Variants in THBS1 observed in about 807,000 individuals in gnomAD.
THBS1 encodes the protein thrombospondin-1.
Under a neutral mutation model 126.1 loss-of-function variants are expected in THBS1, and 29 were observed. The observed-to-expected ratio is 0.23, with a 90% CI of 0.17 to 0.31. The LOEUF (loss-of-function observed/expected upper bound fraction) is 0.31. Ranked by LOEUF, THBS1 falls within the 10% of genes least tolerant of loss-of-function variation. THBS1 has a pLI of 1.00. For missense variants in THBS1, 1,198 were observed against 1,545.2 expected, an observed-to-expected ratio of 0.78 and a Z score of 3.77; for synonymous variants, 496 against 577.8, an observed-to-expected ratio of 0.86 and a Z score of 2.03.
Position 39,587,376 on chromosome 15 carries a change from C to T in THBS1, c.1150C>T (p.Pro384Ser). The T allele has an allele frequency of 6.2e-7, 1 of 1,613,724 alleles. No individual in the cohort carries two copies. Among genetic ancestry groups the T allele is most frequent in the Admixed American group, 1.7e-5 (1 of 60,018 alleles). The part of the protein sequence containing the change: ...PSDSADDGWS[P>S]WSEWTSCSTS... ...CGACTCTGCGGACGATGGCTGGTCT[C>T]CATGGTCCGAGTGGACCTCCTGTTC... Residue 384 changes from proline (P) to serine (S), a missense_variant, in exon 8 of 22, where the codon CCA becomes TCA. Physicochemically the swap from Pro to Ser is moderately conservative, Grantham distance 74. Around this residue, in one of 4 missense-constraint regions of THBS1, gnomAD observed 663 missense variants for 860.1 expected, o/e 0.77. Transcript: ENST00000260356.
chr15:39,584,603 T>C (rs1014429060), intron 6 of THBS1, among the ~76,000 whole-genome samples, 181 bp downstream of exon 6: 3 of 152,186 alleles, frequency 2.0e-5, no homozygotes, highest in Admixed American at 6.5e-5. Flanking sequence ...AACTCTCAGA[T>C]GGTTTATCAA....
chr15:39,581,642 C>G, intron 1 of THBS1, 187 bp from the exon 2 acceptor site: 1 of 331,334 alleles, frequency 3.0e-6, no homozygotes, highest in Admixed American at 4.3e-5. Context: ...TCCTCCACCT[C>G]TCTCTCTCTC....
Position 39,593,336 on chromosome 15 carries a change from A to G in THBS1, c.2996-61A>G. ...CTGTGGGTGCTGAGGATGTCTAGGA[A>G]CATGATGGAGAACCTTCTGAAGGCT... On this transcript the variant is annotated intron_variant, in intron 18 of 21. Transcript: ENST00000260356. The surrounding 1 kb of genome is among the most constrained non-coding windows in gnomAD (Gnocchi z 5.9). The G allele has an allele frequency of 1.2e-6, 2 of 1,613,116 alleles. No individual in the cohort carries two copies. The highest frequency in any genetic ancestry group is 8.5e-7 in the Non-Finnish European group (1 of 1,179,412).
At chr15:39,591,717 C>T in intron 16 of THBS1, 94 bp downstream of exon 16, 1 of 1,168,454 alleles carries the variant, frequency 8.6e-7, no homozygotes, top group South Asian at 1.3e-5. Flanking sequence ...AGTTCAAACA[C>T]TTTCATTACT....
chr15:39,591,414 C>A (rs1420808536), intron 15 of THBS1, 64 bp downstream of exon 15: 2 of 1,599,340 alleles, frequency 1.3e-6, no homozygotes, highest in Non-Finnish European at 8.5e-7. Context: ...TCCAAACGTA[C>A]TTCTGTCTAG....
rs2140351710 is a variant in THBS1, at chr15:39,594,539, G to A, written c.3505+99G>A. On this transcript the variant is annotated intron_variant, in intron 21 of 21. Coordinates refer to ENST00000260356, the MANE Select transcript of THBS1 (RefSeq NM_003246.4). The surrounding 1 kb of genome is among the most constrained non-coding windows in gnomAD (Gnocchi z 4.4). The stretch of plus-strand genomic sequence containing the variant: ...GGGAGTCCAGTGTAAAGACTGTTTT[G>A]GAGACAGGGTTATTTCTATTTTGCT... The A allele has an allele frequency of 6.7e-7, 1 of 1,483,812 alleles. No individual in the cohort carries two copies. Among genetic ancestry groups the A allele is most frequent in the South Asian group, 1.3e-5 (1 of 74,626 alleles). 91.9% of individuals were successfully genotyped at this position (1,483,812 alleles called of 1,614,324 possible).
chr15:39,588,332 A>G, intron 9 of THBS1, 114 bp downstream of exon 9: 1 of 1,372,732 alleles, frequency 7.3e-7, no homozygotes, highest in Non-Finnish European at 9.7e-7. Context: ...GTTACCTACT[A>G]GAGAAACAAA....
chr15:39,587,136 C>T (rs888492337), intron 7 of THBS1: 13 of 402,842 alleles, frequency 3.2e-5, no homozygotes, highest in African/African-American at 4.0e-5. Context: ...ATTAGCTTGA[C>T]GGTGGTAATC....
Position 39,596,593 on chromosome 15 carries a change from A to G in THBS1, c.*1224A>G, listed in dbSNP as rs1890451062. On this transcript the variant is annotated 3_prime_UTR_variant, in exon 22 of 22. Coordinates refer to ENST00000260356, the MANE Select transcript of THBS1 (RefSeq NM_003246.4). ...GAGCAAGTAGTTGACATTTATCAGC[A>G]AATCTCTTGCAAGAACAGCACAAGG... 1 of 152,250 alleles carries G rather than the reference A, an allele frequency of 6.6e-6. No individual in the cohort carries two copies. The allele number at this position is 152,250 out of a possible 1,614,324, so 9.4% of individuals were successfully genotyped here.
In THBS1 at chr15:39,597,505, T is replaced by C. The variant is rs1263825373; in HGVS notation, c.*2136T>C. On this transcript the variant is annotated 3_prime_UTR_variant, in exon 22 of 22. Transcript: ENST00000260356. The stretch of plus-strand genomic sequence containing the variant: ...ATGCTTATTTGTTCTCTACTGGCTT[T>C]ATGTCATGAAGTATATGCGTAAATA... 1.3e-5 allele frequency: 2 copies of C among 152,172 alleles called. No individual in the cohort carries two copies. The highest frequency in any genetic ancestry group is 2.9e-5 in the Non-Finnish European group (2 of 68,028). The allele number at this position is 152,172 out of a possible 1,614,324, so 9.4% of individuals were successfully genotyped here. A position where few individuals can be genotyped will look rare whatever the true frequency, so the allele number is the denominator to read the frequency against.
At position 39,582,236 on chromosome 15, in the gene THBS1, C is replaced by A; in HGVS notation, c.111C>A (p.Thr37=). 1.2e-6 allele frequency: 2 copies of A among 1,613,490 alleles called. No homozygotes were observed. Among genetic ancestry groups the A allele is most frequent in the Non-Finnish European group, 1.7e-6 (2 of 1,179,738 alleles). Residue 37 remains threonine (T), a synonymous_variant, in exon 3 of 22, where the codon ACC becomes ACA. Coordinates refer to ENST00000260356, the MANE Select transcript of THBS1 (RefSeq NM_003246.4). The part of the protein sequence containing the change: ...DNSVFDIFEL[T]GAARKGSGRR... ...GCGTGTTTGACATCTTTGAACTCAC[C>A]GGGGCCGCCCGCAAGGGGTCTGGGC...
At position 39,594,042 on chromosome 15, in the gene THBS1, T is replaced by C. The variant is rs1890382006; in HGVS notation, c.3268-57T>C. The C allele has an allele frequency of 2.0e-6, 3 of 1,523,206 alleles. No individual in the cohort carries two copies. The highest frequency in any genetic ancestry group is 1.9e-5 in the Admixed American group (1 of 51,964). 94.4% of individuals were successfully genotyped at this position (1,523,206 alleles called of 1,614,324 possible). ...AAGCATTGTTTCTGATGGAATGAAATAGAAATCTTTACCTGAAGGAGCTGT... is the reference window on the plus strand; with the variant it reads ...AAGCATTGTTTCTGATGGAATGAAACAGAAATCTTTACCTGAAGGAGCTGT... On this transcript the variant is annotated intron_variant, in intron 19 of 21. Coordinates refer to ENST00000260356, the MANE Select transcript of THBS1 (RefSeq NM_003246.4). This position sits in a 1 kb window ranked among gnomAD's most constrained non-coding sequence, Gnocchi z 4.4.
In THBS1 at chr15:39,592,588, C is replaced by T. The variant is rs201730860; in HGVS notation, c.2553C>T (p.Arg851=). Residue 851 remains arginine (R), a synonymous_variant, in exon 17 of 22, where the codon CGC becomes CGT. Coordinates refer to ENST00000260356, the MANE Select transcript of THBS1 (RefSeq NM_003246.4). This position sits in a 1 kb window ranked among gnomAD's most constrained non-coding sequence, Gnocchi z 4.3. ...NPDQLDSDSD[R]IGDTCDNNQD... ...TTCAGCTGGACTCTGACTCAGACCG[C>T]ATTGGAGATACCTGTGACAACAATC... The T allele has an allele frequency of 1.5e-5, 24 of 1,613,582 alleles. No homozygotes were observed. The South Asian group carries it at 1.8e-4, about 12-fold the overall frequency.
Position 39,591,571 on chromosome 15 carries a change from A to G in THBS1, c.2480A>G (p.Asp827Gly). The G allele has an allele frequency of 6.2e-7, 1 of 1,614,180 alleles. No individual in the cohort carries two copies. The highest frequency in any genetic ancestry group is 2.2e-5 in the East Asian group (1 of 44,896). ...GTGGACCAGAGAGACACTGATATGG[A>G]TGGGGTTGGAGATCAGTGTGACAAT... is the stretch of plus-strand genomic sequence containing the variant. ...YNVDQRDTDM[D>G]GVGDQCDNCP... The change falls in exon 16 of 22, where the codon GAT (aspartate) becomes GGT (glycine). Residue 827 changes from aspartate (D) to glycine (G), a missense_variant. Transcript: ENST00000260356.
In THBS1 at chr15:39,589,377, A is replaced by G; in HGVS notation, c.1926+23A>G. On this transcript the variant is annotated intron_variant, in intron 12 of 21. Coordinates refer to ENST00000260356, the MANE Select transcript of THBS1 (RefSeq NM_003246.4). This position sits in a 1 kb window ranked among gnomAD's most constrained non-coding sequence, Gnocchi z 4.7. ...CAGGTACAGTCAACTAGACGAGTAA[A>G]CCAGAGGACAGGAGAGCTGTCCTTG... 6 of 1,613,262 alleles carry G rather than the reference A, an allele frequency of 3.7e-6. No homozygotes were observed. The South Asian group carries it at 5.5e-5, about 15-fold the overall frequency.
chr15:39,590,688 A>T, intron 14 of THBS1, 65 bp downstream of exon 14: 1 of 1,318,674 alleles, frequency 7.6e-7, no homozygotes, highest in Non-Finnish European at 1.1e-6. Flanking sequence ...ACACTTTGGG[A>T]TTCAAGGAAA....
At chr15:39,591,460 C>A (rs548623996) in intron 15 of THBS1, 45 bp from the exon 16 acceptor site, 2 of 1,611,340 alleles carry the variant, frequency 1.2e-6, no homozygotes, top group East Asian at 4.5e-5. Context: ...TGGAAACATC[C>A]AAGGCTGGAG....
Position 39,598,538 on chromosome 15 carries a change from T to G in THBS1, c.*3169T>G, listed in dbSNP as rs1478495462. 6.6e-6 allele frequency: 1 copy of G among 152,194 alleles called. No homozygotes were observed. Among genetic ancestry groups the G allele is most frequent in the Non-Finnish European group, 1.5e-5 (1 of 68,030 alleles). The allele number at this position is 152,194 out of a possible 1,614,324, so 9.4% of individuals were successfully genotyped here. On this transcript the variant is annotated 3_prime_UTR_variant, in exon 22 of 22. Transcript: ENST00000260356. ...GAGATAATTCTAATTCATTCTTGGA[T>G]AGTGAAGCAAAACTGATTGAAAATA...
rs1595512656 is a variant in THBS1 at position 39,592,856 on chromosome 15, A to T, written c.2767+54A>T. The T allele has an allele frequency of 1.1e-5, 18 of 1,579,034 alleles. 1 individual carries two copies. The East Asian group carries it at 4.0e-4, about 35-fold the overall frequency. Reference sequence around the variant, plus strand: ...AGGGACTGCTGGCACAGCTGTGTAGATTGAAGAAATGAAACCAAGGCTCAA... The same window carrying T: ...AGGGACTGCTGGCACAGCTGTGTAGTTTGAAGAAATGAAACCAAGGCTCAA... On this transcript the variant is annotated intron_variant, in intron 17 of 21. Transcript: ENST00000260356. The surrounding 1 kb of genome is among the most constrained non-coding windows in gnomAD (Gnocchi z 4.3).
Sources: allele counts gnomAD v4.1 joint callset (sites outside exome capture counted in the v4.1 genomes callset), GRCh38; gene constraint gnomAD v4.1.1; regional missense constraint gnomAD v4.1.1; non-coding constraint Gnocchi (gnomAD v3.1); transcripts MANE v1.5; gene names NCBI Gene and HGNC (gene_info 2026-07-23, HGNC 2026-07-21).